SPOCK1: variants seen among roughly 807,000 people sequenced by gnomAD.
SPOCK1 encodes the protein SPARC (osteonectin), cwcv and kazal like domains proteoglycan 1.
Under a neutral mutation model 55.3 loss-of-function variants are expected in SPOCK1, and 23 were observed. That is an observed-to-expected ratio of 0.42 (90% CI 0.30 to 0.59). SPOCK1 has a LOEUF of 0.59. SPOCK1 is among the 20% of genes least tolerant of loss of function. The pLI is 0.22. For missense variants in SPOCK1, 499 were observed against 552.5 expected, an observed-to-expected ratio of 0.90 and a Z score of 0.97; for synonymous variants, 226 against 221.0, an observed-to-expected ratio of 1.02 and a Z score of -0.20.
intron 3 of SPOCK1, among the ~76,000 whole-genome samples, chr5:137,260,217 C>G (rs1053583907): frequency 6.6e-6 from 1 of 152,180 alleles, no homozygotes. Flanking sequence ...GCATCCCGCA[C>G]TCTTCAGGCC....
intron 6 of SPOCK1, among the ~76,000 whole-genome samples, chr5:137,024,481 A>T (rs1751633890): frequency 6.6e-6 from 1 of 152,184 alleles, no homozygotes. Context: ...AATAATGCAG[A>T]ACATGGGAGA....
In SPOCK1 at chr5:137,414,505, A is replaced by C. The variant is rs77517064; in HGVS notation, c.186+83868T>G. Among the ~76,000 whole-genome samples the C allele has an allele frequency of 2.1e-3, 323 of 152,340 alleles. 1 individual carries two copies. The highest frequency in any genetic ancestry group is 7.7e-3 in the African/African-American group (320 of 41,588). On this transcript the variant is annotated intron_variant, in intron 2 of 10. Transcript: ENST00000394945. ...CTTCTAGAGTAAAGACATCTTTATT[A>C]ATGATTTTAAAGCCTGAAGAAACAG...
Position 137,342,178 on chromosome 5 carries a change from T to C in SPOCK1, c.187-75123A>G, listed in dbSNP as rs183705710. ...CCTCCGCGGAGGATAGTGTCTGAGT[T>C]AGACCTACTGTGGAGATGAAATCCC... On this transcript the variant is annotated intron_variant, in intron 2 of 10. Transcript: ENST00000394945. Among the ~76,000 whole-genome samples, 11 of 152,360 alleles carry C rather than the reference T, an allele frequency of 7.2e-5. No homozygotes were observed. The East Asian group carries it at 2.1e-3, about 29-fold the overall frequency.
intron 2 of SPOCK1, among the ~76,000 whole-genome samples, chr5:137,489,115 C>T (rs538824581): frequency 6.6e-6 from 1 of 152,276 alleles, no homozygotes; most frequent in South Asian, 2.1e-4. Flanking sequence ...AAACCATTAT[C>T]CCCATGTCTG....
At chr5:137,078,711 A>G (rs1309100164) in intron 5 of SPOCK1, among the ~76,000 whole-genome samples, 2 of 152,180 alleles carry the variant, frequency 1.3e-5, no homozygotes, top group Admixed American at 1.3e-4. Context: ...CTAGATCTCT[A>G]GTGCCTGGCA....
chr5:137,064,708 C>T (rs1752463511), intron 6 of SPOCK1, among the ~76,000 whole-genome samples: 1 of 152,184 alleles, frequency 6.6e-6, no homozygotes, highest in African/African-American at 2.4e-5. Flanking sequence ...ATTTGAACTG[C>T]CACCACCTCA....
intron 2 of SPOCK1, among the ~76,000 whole-genome samples, chr5:137,311,434 T>A (rs1015128700): frequency 6.6e-6 from 1 of 152,254 alleles, no homozygotes; most frequent in Non-Finnish European, 1.5e-5. Flanking sequence ...CTGTCTTGGA[T>A]ACCTTACAAA....
intron 4 of SPOCK1, among the ~76,000 whole-genome samples, chr5:137,137,294 G>A (rs1754002181): frequency 6.6e-6 from 1 of 152,174 alleles, no homozygotes; most frequent in African/African-American, 2.4e-5. Flanking sequence ...ATGTTTCACA[G>A]AGAGAAAGAT....
intron 3 of SPOCK1, among the ~76,000 whole-genome samples, chr5:137,163,656 TAAAA>T (rs1185075902): frequency 1.6e-4 from 25 of 152,202 alleles, no homozygotes; most frequent in Non-Finnish European, 2.9e-4. Flanking sequence ...TTTGATGACA[TAAAA>T]TAATTAGTCC....
chr5:137,178,386 C>T (rs962550230), intron 3 of SPOCK1, among the ~76,000 whole-genome samples: 7 of 152,186 alleles, frequency 4.6e-5, no homozygotes, highest in South Asian at 2.1e-4. Flanking sequence ...ACCTTCTTAG[C>T]GGGCAAAAAG....
At chr5:136,984,166 C>A (rs563841593) in intron 9 of SPOCK1, among the ~76,000 whole-genome samples, 1 of 152,120 alleles carries the variant, frequency 6.6e-6, no homozygotes, top group Non-Finnish European at 1.5e-5. Context: ...CTAAAGAGTT[C>A]GAAATCCTGA....
At chr5:137,332,833 A>G (rs1412245988) in intron 2 of SPOCK1, among the ~76,000 whole-genome samples, 1 of 152,226 alleles carries the variant, frequency 6.6e-6, no homozygotes, top group Non-Finnish European at 1.5e-5. Context: ...CAAACGTTGA[A>G]ATCATGGTCC....
chr5:137,002,141 A>C (rs951510823), intron 6 of SPOCK1, among the ~76,000 whole-genome samples: 5 of 152,194 alleles, frequency 3.3e-5, no homozygotes, highest in African/African-American at 1.2e-4. Flanking sequence ...TCTTTGGAAG[A>C]GTTTAAAATA....
At chr5:137,001,981 C>A (rs1322780091) in intron 6 of SPOCK1, among the ~76,000 whole-genome samples, 1 of 152,130 alleles carries the variant, frequency 6.6e-6, no homozygotes, top group Non-Finnish European at 1.5e-5. Flanking sequence ...ATATGTAATT[C>A]CAGCTTTTAC....
At chr5:137,221,740 G>T (rs1464341812) in intron 3 of SPOCK1, among the ~76,000 whole-genome samples, 3 of 152,134 alleles carry the variant, frequency 2.0e-5, no homozygotes, top group Non-Finnish European at 2.9e-5. Flanking sequence ...TTCTTTAATT[G>T]TTAAAATAAA....
At chr5:136,988,740 A>T (rs1750892310) in intron 7 of SPOCK1, 97 bp from the exon 8 acceptor site, 2 of 1,060,374 alleles carry the variant, frequency 1.9e-6, no homozygotes, top group Non-Finnish European at 2.7e-6. Context: ...GCCAAGGCCC[A>T]CCTGACTCCC....
At chr5:137,099,847 A>G (rs2127024611) in intron 5 of SPOCK1, among the ~76,000 whole-genome samples, 1 of 152,226 alleles carries the variant, frequency 6.6e-6, no homozygotes, top group Middle Eastern at 3.4e-3. Context: ...GCTGCATATT[A>G]TTGCATTGAA....
At chr5:137,198,467 A>G (rs1305971931) in intron 3 of SPOCK1, among the ~76,000 whole-genome samples, 1 of 152,268 alleles carries the variant, frequency 6.6e-6, no homozygotes, top group African/African-American at 2.4e-5. Flanking sequence ...GGGAGAAAGG[A>G]AAGTAAGCAC....
At chr5:137,023,093 G>GTCTT (rs1314514947) in intron 6 of SPOCK1, among the ~76,000 whole-genome samples, 6 of 152,202 alleles carry the variant, frequency 3.9e-5, no homozygotes, top group Non-Finnish European at 8.8e-5. Flanking sequence ...GCTTCTTGCT[G>GTCTT]TCTTTGTTAC....
Sources: allele counts gnomAD v4.1 joint callset (sites outside exome capture counted in the v4.1 genomes callset), GRCh38; gene constraint gnomAD v4.1.1; transcripts MANE v1.5; gene names NCBI Gene and HGNC (gene_info 2026-07-23, HGNC 2026-07-21).